TTBK2: variants seen among roughly 807,000 people sequenced by gnomAD.
The protein encoded by TTBK2 is tau tubulin kinase 2.
Under a neutral mutation model 110.8 loss-of-function variants are expected in TTBK2, and 28 were observed. The ratio of observed to expected loss-of-function variants is 0.25; its 90% CI spans 0.19 to 0.35. The LOEUF is 0.35. TTBK2 is among the 10% of genes least tolerant of loss of function. The pLI, the probability that TTBK2 is intolerant of heterozygous loss-of-function variation, is 1.00. For synonymous variants in TTBK2, 532 were observed against 527.3 expected (o/e 1.01, Z -0.12); for missense variants, 1,369 against 1,500.3 (o/e 0.91, Z 1.45).
rs370977106 is a variant in TTBK2 at position 42,775,236 on chromosome 15, A to G, written c.1897T>C (p.Tyr633His). Residue 633 changes from tyrosine to histidine, a missense_variant, in exon 13 of 15, where the codon TAT becomes CAT. Transcript: ENST00000267890. ...EGPPTAASEQYTDRLELQPGA... is the reference protein window; with the variant it reads ...EGPPTAASEQHTDRLELQPGA... ...GGCTGGAGTTCCAGCCTATCTGTATATTGTTCTGAAGCAGCAGTAGGAGGA... is the reference window on the plus strand; with the variant it reads ...GGCTGGAGTTCCAGCCTATCTGTATGTTGTTCTGAAGCAGCAGTAGGAGGA... The G allele has an allele frequency of 7.8e-5, 126 of 1,614,104 alleles. No individual in the cohort carries two copies. Among genetic ancestry groups the G allele is most frequent in the Non-Finnish European group, 1.0e-4 (120 of 1,180,054 alleles).
chr15:42,764,862 G>A (rs1303890941), intron 13 of TTBK2, among the ~76,000 whole-genome samples: 1 of 152,254 alleles, frequency 6.6e-6, no homozygotes, highest in Non-Finnish European at 1.5e-5. Flanking sequence ...AGTAGGGGCT[G>A]AGTGTCACCT....
intron 10 of TTBK2, among the ~76,000 whole-genome samples, chr15:42,787,954 A>G (rs1301994630): frequency 6.6e-6 from 1 of 152,040 alleles, no homozygotes; most frequent in East Asian, 1.9e-4. Context: ...GCTATATGGT[A>G]TAACCTATTG....
chr15:42,863,203 A>G (rs1246036992), intron 3 of TTBK2, among the ~76,000 whole-genome samples: 2 of 152,170 alleles, frequency 1.3e-5, no homozygotes, highest in Non-Finnish European at 2.9e-5. Flanking sequence ...GAACTGATAA[A>G]CTTCAGTGAA....
chr15:42,914,022 G>A (rs910578598), intron 1 of TTBK2, among the ~76,000 whole-genome samples: 1 of 151,138 alleles, frequency 6.6e-6, no homozygotes, highest in African/African-American at 2.4e-5. Flanking sequence ...TGTCACCCAG[G>A]CTGGAGTGCA....
In TTBK2 at chr15:42,752,582, GTCT is replaced by G; in HGVS notation, c.2661_2663del (p.Glu887del). 1 of 1,614,180 alleles carries G rather than the reference GTCT, an allele frequency of 6.2e-7. No homozygotes were observed. Among genetic ancestry groups the G allele is most frequent in the Non-Finnish European group, 8.5e-7 (1 of 1,180,040 alleles). On this transcript the variant is annotated inframe_deletion, in exon 14 of 15. Coordinates refer to ENST00000267890, the MANE Select transcript of TTBK2 (RefSeq NM_173500.4). The stretch of plus-strand genomic sequence containing the variant: ...AGAGGTCTCCTTGATGACCTGGCAA[GTCT>G]TCACTCATGATGTCATCATCCTTAG...
chr15:42,876,009 G>A (rs1235841811), intron 2 of TTBK2, among the ~76,000 whole-genome samples: 2 of 151,878 alleles, frequency 1.3e-5, no homozygotes, highest in African/African-American at 2.4e-5. Context: ...TGGGGGTTGG[G>A]GGTGAAGAGC....
chr15:42,878,627 C>G lies in TTBK2; in HGVS notation c.-10G>C, dbSNP rs1431468563. ...CTCCTCCCCCACTCATTGCAATACA[C>G]TGATATGGTAGAACAGCTACACAGG... On this transcript the variant is annotated 5_prime_UTR_variant, in exon 2 of 15. Coordinates refer to ENST00000267890, the MANE Select transcript of TTBK2 (RefSeq NM_173500.4). 1.2e-6 allele frequency: 2 copies of G among 1,613,814 alleles called. No individual in the cohort carries two copies. The highest frequency in any genetic ancestry group is 3.3e-5 in the Admixed American group (2 of 59,998).
chr15:42,881,320 A>C (rs1596017892), intron 1 of TTBK2, among the ~76,000 whole-genome samples: 1 of 148,800 alleles, frequency 6.7e-6, no homozygotes. Context: ...AACATTTTCC[A>C]CAGAATTTAA....
intron 9 of TTBK2, chr15:42,802,556 C>T (rs893785734): frequency 4.8e-6 from 2 of 415,684 alleles, no homozygotes; most frequent in African/African-American, 4.0e-5. Context: ...CATCCTCTAA[C>T]AAACTAAACC....
intron 1 of TTBK2, among the ~76,000 whole-genome samples, chr15:42,914,371 A>T (rs538708292): frequency 2.6e-5 from 4 of 152,298 alleles, no homozygotes; most frequent in African/African-American, 9.6e-5. Context: ...ACATTTAATG[A>T]ATCACCGATA....
rs759739645 is a variant in TTBK2, at chr15:42,752,642, G to A, written c.2604C>T (p.Gly868=). 7 of 1,613,888 alleles carry A rather than the reference G, an allele frequency of 4.3e-6. No homozygotes were observed. Among genetic ancestry groups the A allele is most frequent in the Non-Finnish European group, 5.1e-6 (6 of 1,180,030 alleles). ...DIDPHVEGQI[G]QVAEMQKNKI... is the part of the protein sequence containing the mutation. ...TATTTTTTTGCATTTCTGCCACTTGGCCTATCTGACCTTCAACATGTGGGT... is the reference window on the plus strand; with the variant it reads ...TATTTTTTTGCATTTCTGCCACTTGACCTATCTGACCTTCAACATGTGGGT... The change falls in exon 14 of 15, where the codon GGC becomes GGT. Residue 868 remains glycine (G), a synonymous_variant. Coordinates refer to ENST00000267890, the MANE Select transcript of TTBK2 (RefSeq NM_173500.4).
Position 42,783,369 on chromosome 15 carries a change from C to G in TTBK2, c.1197+50G>C, listed in dbSNP as rs186545207. On this transcript the variant is annotated intron_variant, in intron 11 of 14. Coordinates refer to ENST00000267890, the MANE Select transcript of TTBK2 (RefSeq NM_173500.4). Reference sequence around the variant, plus strand: ...TAGCCTTCCTTCTTGGACTTCCCAGCCTTCTGAACTGTAAGAAATAAATTT... The same window carrying G: ...TAGCCTTCCTTCTTGGACTTCCCAGGCTTCTGAACTGTAAGAAATAAATTT... 193 of 1,580,482 alleles carry G rather than the reference C, an allele frequency of 1.2e-4. No individual in the cohort carries two copies. In the East Asian group the frequency reaches 2.9e-3, roughly 23 times the overall value.
chr15:42,772,352 C>T (rs575581427), intron 13 of TTBK2, among the ~76,000 whole-genome samples: 1 of 152,252 alleles, frequency 6.6e-6, no homozygotes, highest in South Asian at 2.1e-4. Context: ...GAACTGAGGC[C>T]TGCCAACAGT....
intron 3 of TTBK2, among the ~76,000 whole-genome samples, chr15:42,846,267 G>A (rs1250709472): frequency 1.3e-5 from 2 of 149,674 alleles, no homozygotes; most frequent in African/African-American, 4.9e-5. Context: ...TCATCTCACT[G>A]TAACCTCTGC....
intron 10 of TTBK2, among the ~76,000 whole-genome samples, chr15:42,788,154 C>T (rs566740397): frequency 3.9e-4 from 60 of 152,224 alleles, no homozygotes; most frequent in African/African-American, 1.2e-3. Flanking sequence ...TGTCATTACA[C>T]GGCACATGAC....
At chr15:42,763,157 C>CATATATACAT (rs1555421172) in intron 13 of TTBK2, among the ~76,000 whole-genome samples, 3 of 20,464 alleles carry the variant, frequency 1.5e-4, no homozygotes, top group African/African-American at 2.1e-4. Context: ...TATATATATA[C>CATATATACAT]ATATATATAT....
At chr15:42,850,942 A>G (rs935940148) in intron 3 of TTBK2, among the ~76,000 whole-genome samples, 1 of 151,972 alleles carries the variant, frequency 6.6e-6, no homozygotes, top group Non-Finnish European at 1.5e-5. Flanking sequence ...AACTGAAAAT[A>G]TGGCCAGGCG....
chr15:42,805,843 T>C (rs562842734), intron 9 of TTBK2, among the ~76,000 whole-genome samples: 1 of 152,352 alleles, frequency 6.6e-6, no homozygotes, highest in East Asian at 1.9e-4. Flanking sequence ...AAAGGCCATG[T>C]ATTAAAGACA....
chr15:42,759,422 C>A (rs114778441), intron 13 of TTBK2, among the ~76,000 whole-genome samples: 4,197 of 152,296 alleles, frequency 0.028, 187 homozygotes, highest in African/African-American at 0.087. Flanking sequence ...GCTGAGCCTG[C>A]CCCTGGCAGG....
Sources: gnomAD v4.1 joint callset for allele counts (sites outside exome capture counted in the v4.1 genomes callset) on GRCh38, gnomAD v4.1.1 for gene constraint, MANE v1.5 for transcripts, NCBI Gene and HGNC (gene_info 2026-07-23, HGNC 2026-07-21) for gene names.